The following SOX18 variants were observed in gnomAD, a reference collection of about 807,000 sequenced individuals.
SOX18 encodes the protein SRY-box transcription factor 18, also known as transcription factor SOX-18.
Under a neutral mutation model 9.1 loss-of-function variants are expected in SOX18, and 2 were observed. The observed-to-expected ratio is 0.22, with a 90% confidence interval of 0.09 to 0.69. The LOEUF is 0.69. Among genes scored for constraint, SOX18 ranks in the 30% least tolerant of loss-of-function variants. The probability of loss-of-function intolerance (pLI) is 0.80; values close to 1 mark genes in which losing one functional copy is unlikely to be tolerated. For missense variants in SOX18, 542 were observed against 567.3 expected (o/e 0.96, Z 0.45); for synonymous variants, 292 against 280.5 (o/e 1.04, Z -0.41).
rs1279296394 is a variant in SOX18 at position 64,048,032 on chromosome 20, A to C, written c.*134T>G. 1.0e-6 allele frequency: 1 copy of C among 954,404 alleles called. No individual in the cohort carries two copies. Among genetic ancestry groups the C allele is most frequent in the East Asian group, 2.7e-5 (1 of 37,634 alleles). 59.1% of individuals were successfully genotyped at this position (954,404 alleles called of 1,614,324 possible). ...TGGAACGGGCGCAAGGCCGAGCATC[A>C]CTGGCTCCTAGGGGGCTGTGACATG... On this transcript the variant is annotated 3_prime_UTR_variant, in exon 2 of 2. Transcript: ENST00000340356.
intron 1 of SOX18, 66 bp downstream of exon 1, chr20:64,049,093 C>CCCGCCCCA: frequency 1.1e-6 from 1 of 951,936 alleles, no homozygotes; most frequent in Non-Finnish European, 1.4e-6. Context: ...CCTGCCCCCC[C>CCCGCCCCA]CGCCCCACCC....
Position 64,048,325 on chromosome 20 carries a change from G to A in SOX18, c.996C>T (p.Asn332=). 1 of 1,592,622 alleles carries A rather than the reference G, an allele frequency of 6.3e-7. No individual in the cohort carries two copies. The highest frequency in any genetic ancestry group is 8.5e-7 in the Non-Finnish European group (1 of 1,171,232). The change falls in exon 2 of 2, where the codon AAC becomes AAT. Residue 332 remains asparagine, a synonymous_variant. Coordinates refer to ENST00000340356, the MANE Select transcript of SOX18 (RefSeq NM_018419.3). ...VDLTEFDQYL[N]CSRTRPDAPG... is the part of the protein sequence containing the mutation. ...GGGCGTCGGGCCGAGTCCGGCTGCA[G>A]TTGAGGTACTGGTCGAACTCGGTGA...
At position 64,048,180 on chromosome 20, in the gene SOX18, A is replaced by G; in HGVS notation, c.1141T>C (p.Cys381Arg). The change falls in exon 2 of 2, where the codon TGC (cysteine) becomes CGC (arginine). Residue 381 changes from cysteine to arginine, a missense_variant. Cys to Arg is a radical substitution (Grantham distance 180). Transcript: ENST00000340356. Reference sequence around the variant, plus strand: ...GCGCCGGCGGCCTAGCCGGAGATGCACGCGCTGTAATAGACCGCGCTGCTG... The same window carrying G: ...GCGCCGGCGGCCTAGCCGGAGATGCGCGCGCTGTAATAGACCGCGCTGCTG... ...DASSAVYYSACISG is the reference protein window; with the variant it reads ...DASSAVYYSARISG The G allele has an allele frequency of 6.4e-7, 1 of 1,555,140 alleles. No homozygotes were observed.
Position 64,049,467 on chromosome 20 carries a change from C to A in SOX18, c.50G>T (p.Arg17Leu). The A allele has an allele frequency of 3.8e-6, 1 of 263,406 alleles. No individual in the cohort carries two copies. The allele number at this position is 263,406 out of a possible 1,614,324, so 16.3% of individuals were successfully genotyped here. The change falls in exon 1 of 2, where the codon CGC becomes CTC. Residue 17 changes from arginine (R) to leucine (L), a missense_variant. Coordinates refer to ENST00000340356, the MANE Select transcript of SOX18 (RefSeq NM_018419.3). ...GYGAQDDPPA[R>L]RDCAWAPGHG... Reference sequence around the variant, plus strand: ...TCCCGGGGCCCATGCACAGTCGCGGCGGGCGGGCGGGTCGTCCTGTGCGCC... The same window carrying A: ...TCCCGGGGCCCATGCACAGTCGCGGAGGGCGGGCGGGTCGTCCTGTGCGCC...
At position 64,048,153 on chromosome 20, in the gene SOX18, C is replaced by T. The variant is rs770679126; in HGVS notation, c.*13G>A. The stretch of plus-strand genomic sequence containing the variant: ...GGAGGAAGCGCTGCAGGGACCCGGG[C>T]GGCGCCGGCGGCCTAGCCGGAGATG... On this transcript the variant is annotated 3_prime_UTR_variant, in exon 2 of 2. Transcript: ENST00000340356. 1.8e-5 allele frequency: 27 copies of T among 1,537,692 alleles called. No individual in the cohort carries two copies. The highest frequency in any genetic ancestry group is 1.2e-4 in the Admixed American group (6 of 51,160).
chr20:64,048,096 G>A lies in SOX18; in HGVS notation c.*70C>T, dbSNP rs918436144. 2.7e-5 allele frequency: 37 copies of A among 1,386,754 alleles called. No homozygotes were observed. The highest frequency in any genetic ancestry group is 3.3e-5 in the Non-Finnish European group (33 of 1,013,558). 85.9% of individuals were successfully genotyped at this position (1,386,754 alleles called of 1,614,324 possible). ...ACGCGTATGAGAGAGCAGAGCGGCA[G>A]CGACGCGGTCGGATCGGTCGCGGGG... On this transcript the variant is annotated 3_prime_UTR_variant, in exon 2 of 2. Coordinates refer to ENST00000340356, the MANE Select transcript of SOX18 (RefSeq NM_018419.3).
In SOX18 at chr20:64,048,585, G is replaced by C; in HGVS notation, c.736C>G (p.Arg246Gly). Residue 246 changes from arginine (R) to glycine (G), a missense_variant, in exon 2 of 2, where the codon CGC becomes GGC. Physicochemically the swap from Arg to Gly is moderately radical, Grantham distance 125. Transcript: ENST00000340356. ...AACTCGGTGGGCGCGTAGGGCGCGCGGAAGGGCCGCAGCGCGCAGTCCTCG... is the reference window on the plus strand; with the variant it reads ...AACTCGGTGGGCGCGTAGGGCGCGCCGAAGGGCCGCAGCGCGCAGTCCTCG... ...APEDCALRPF[R>G]APYAPTELSR... 3 of 1,231,118 alleles carry C rather than the reference G, an allele frequency of 2.4e-6. No homozygotes were observed. The highest frequency in any genetic ancestry group is 2.0e-6 in the Non-Finnish European group (2 of 989,068). The allele number at this position is 1,231,118 out of a possible 1,614,324, so 76.3% of individuals were successfully genotyped here.
In SOX18 at chr20:64,048,246, A is replaced by C; in HGVS notation, c.1075T>G (p.Cys359Gly). Residue 359 changes from cysteine (C) to glycine (G), a missense_variant, in exon 2 of 2, where the codon TGC (cysteine) becomes GGC (glycine). Coordinates refer to ENST00000340356, the MANE Select transcript of SOX18 (RefSeq NM_018419.3). Reference sequence around the variant, plus strand: ...GAGATCAGGCTGCTCTCCTCTGGGCAGGACATGGCGCGCGGGCCCAGTTTG... The same window carrying C: ...GAGATCAGGCTGCTCTCCTCTGGGCCGGACATGGCGCGCGGGCCCAGTTTG... ...LAKLGPRAMS[C>G]PEESSLISAL... 1 of 1,593,062 alleles carries C rather than the reference A, an allele frequency of 6.3e-7. No homozygotes were observed. Among genetic ancestry groups the C allele is most frequent in the African/African-American group, 1.3e-5 (1 of 74,736 alleles).
rs1274958917 is a variant in SOX18, at chr20:64,048,853, C to T, written c.468G>A (p.Pro156=). 2.5e-6 allele frequency: 4 copies of T among 1,585,922 alleles called. No individual in the cohort carries two copies. The highest frequency in any genetic ancestry group is 3.4e-5 in the Admixed American group (2 of 58,726). ...LRDHPNYKYR[P]RRKKQARKAR... ...CCTTGCGCGCCTGCTTCTTGCGGCG[C>T]GGCCGGTACTTGTAGTTGGGGTGGT... The change falls in exon 2 of 2, where the codon CCG becomes CCA. Residue 156 remains proline (P), a synonymous_variant. Coordinates refer to ENST00000340356, the MANE Select transcript of SOX18 (RefSeq NM_018419.3).
rs1409858318 is a variant in SOX18 at position 64,048,748 on chromosome 20, A to G, written c.573T>C (p.Ser191=). Residue 191 remains serine, a synonymous_variant, in exon 2 of 2, where the codon TCT becomes TCC. Coordinates refer to ENST00000340356, the MANE Select transcript of SOX18 (RefSeq NM_018419.3). ...GCTCGCGGAAGGCGCGAGCCGAGCC[A>G]GACGCCGCGGGGAAAGGCTCGGGCG... ...QPPPEPFPAA[S]GSARAFRELP... is the part of the protein sequence containing the mutation. The G allele has an allele frequency of 1.4e-6, 2 of 1,448,932 alleles. No homozygotes were observed. Among genetic ancestry groups the G allele is most frequent in the Non-Finnish European group, 1.8e-6 (2 of 1,106,408 alleles). The allele number at this position is 1,448,932 out of a possible 1,614,324, so 89.8% of individuals were successfully genotyped here.
Position 64,048,796 on chromosome 20 carries a change from C to T in SOX18, c.525G>A (p.Pro175=), listed in dbSNP as rs1342831314. Reference sequence around the variant, plus strand: ...GCGGTGGCTGCGGGGGCGCTAATCCCGGGAGCAGGAGGCCGGGCTCCAGCC... The same window carrying T: ...GCGGTGGCTGCGGGGGCGCTAATCCTGGGAGCAGGAGGCCGGGCTCCAGCC... The part of the protein sequence containing the change: ...ARRLEPGLLL[P]GLAPPQPPPE... The change falls in exon 2 of 2, where the codon CCG becomes CCA. Residue 175 remains proline, a synonymous_variant. Coordinates refer to ENST00000340356, the MANE Select transcript of SOX18 (RefSeq NM_018419.3). The T allele has an allele frequency of 3.9e-6, 6 of 1,529,928 alleles. No individual in the cohort carries two copies. Among genetic ancestry groups the T allele is most frequent in the Non-Finnish European group, 5.2e-6 (6 of 1,146,414 alleles). 94.8% of individuals were successfully genotyped at this position (1,529,928 alleles called of 1,614,324 possible).
In SOX18 at chr20:64,049,540, G is replaced by T; in HGVS notation, c.-24C>A. ...ATTCCAGCTGGGCGCGGCCTGGGCG[G>T]AACGGAGCGCGGGAGCGCGGCGGGC... On this transcript the variant is annotated 5_prime_UTR_variant, in exon 1 of 2. Transcript: ENST00000340356. 9.4e-7 allele frequency: 1 copy of T among 1,067,214 alleles called. No homozygotes were observed. Among genetic ancestry groups the T allele is most frequent in the Non-Finnish European group, 1.1e-6 (1 of 884,648 alleles). 66.1% of individuals were successfully genotyped at this position (1,067,214 alleles called of 1,614,324 possible).
At chr20:64,048,992 C>T in intron 1 of SOX18, 30 bp from the exon 2 acceptor site, 1 of 1,553,362 alleles carries the variant, frequency 6.4e-7, no homozygotes, top group Non-Finnish European at 8.6e-7. Flanking sequence ...GTGAGTGGAA[C>T]GCCGTCGGGC....
intron 1 of SOX18, 29 bp from the exon 2 acceptor site, chr20:64,048,991 A>T (rs745819530): frequency 6.4e-7 from 1 of 1,557,734 alleles, no homozygotes; most frequent in South Asian, 1.2e-5. Flanking sequence ...AGTGAGTGGA[A>T]CGCCGTCGGG....
Position 64,047,894 on chromosome 20 carries a change from C to T in SOX18, c.*272G>A. ...AACCCTGGCAACTCTGCCAACAGGT[C>T]CTGGGCTCGGGCTTCCTGGAAAAGC... On this transcript the variant is annotated 3_prime_UTR_variant, in exon 2 of 2. Transcript: ENST00000340356. 1 of 558,660 alleles carries T rather than the reference C, an allele frequency of 1.8e-6. No homozygotes were observed. The highest frequency in any genetic ancestry group is 3.2e-6 in the Non-Finnish European group (1 of 313,554). 34.6% of individuals were successfully genotyped at this position (558,660 alleles called of 1,614,324 possible). A position where few individuals can be genotyped will look rare whatever the true frequency, so the allele number is the denominator to read the frequency against.
Position 64,049,304 on chromosome 20 carries a change from C to G in SOX18, c.213G>C (p.Pro71=). 3 of 1,476,222 alleles carry G rather than the reference C, an allele frequency of 2.0e-6. No individual in the cohort carries two copies. The highest frequency in any genetic ancestry group is 2.7e-6 in the Non-Finnish European group (3 of 1,102,802). The allele number at this position is 1,476,222 out of a possible 1,614,324, so 91.4% of individuals were successfully genotyped here. A position where few individuals can be genotyped will look rare whatever the true frequency, so the allele number is the denominator to read the frequency against. The part of the protein sequence containing the change: ...SPEPGRYGLS[P]AGRGERQAAD... ...CCGCCTGGCGTTCCCCGCGGCCGGC[C>G]GGGCTGAGGCCATAGCGCCCCGGCT... The change falls in exon 1 of 2, where the codon CCG becomes CCC. Residue 71 remains proline, a synonymous_variant. Transcript: ENST00000340356.
In SOX18 at chr20:64,048,580, C is replaced by CGCGCGGAAGGGCCGCA; in HGVS notation, c.725_740dup (p.Pro248AlafsTer283). 8.1e-7 allele frequency: 1 copy of CGCGCGGAAGGGCCGCA among 1,229,490 alleles called. No individual in the cohort carries two copies. Among genetic ancestry groups the CGCGCGGAAGGGCCGCA allele is most frequent in the Non-Finnish European group, 1.0e-6 (1 of 988,054 alleles). The allele number at this position is 1,229,490 out of a possible 1,614,324, so 76.2% of individuals were successfully genotyped here. A position where few individuals can be genotyped will look rare whatever the true frequency, so the allele number is the denominator to read the frequency against. On this transcript the variant is annotated frameshift_variant, in exon 2 of 2. Coordinates refer to ENST00000340356, the MANE Select transcript of SOX18 (RefSeq NM_018419.3). LOFTEE classifies it low-confidence loss of function (END_TRUNC). ...GCGACAACTCGGTGGGCGCGTAGGG[C>CGCGCGGAAGGGCCGCA]GCGCGGAAGGGCCGCAGCGCGCAGT...
In SOX18 at chr20:64,048,400, C is replaced by T; in HGVS notation, c.921G>A (p.Glu307=). 6.6e-7 allele frequency: 1 copy of T among 1,518,994 alleles called. No individual in the cohort carries two copies. Among genetic ancestry groups the T allele is most frequent in the Non-Finnish European group, 8.8e-7 (1 of 1,137,832 alleles). The allele number at this position is 1,518,994 out of a possible 1,614,324, so 94.1% of individuals were successfully genotyped here. ...CGGCGGGCCCCAGCGGCTCGGCGCT[C>T]TCCAGCGGCGGGGCCTCGGGCGGCG... ...LSPPPEAPPL[E]SAEPLGPAAD... is the part of the protein sequence containing the mutation. The change falls in exon 2 of 2, where the codon GAG becomes GAA. Residue 307 remains glutamate (E), a synonymous_variant. Transcript: ENST00000340356.
At position 64,048,122 on chromosome 20, in the gene SOX18, G is replaced by T; in HGVS notation, c.*44C>A. 2 of 1,508,862 alleles carry T rather than the reference G, an allele frequency of 1.3e-6. No homozygotes were observed. Among genetic ancestry groups the T allele is most frequent in the Non-Finnish European group, 8.9e-7 (1 of 1,123,610 alleles). The allele number at this position is 1,508,862 out of a possible 1,614,324, so 93.5% of individuals were successfully genotyped here. Reference sequence around the variant, plus strand: ...CGACGCGGTCGGATCGGTCGCGGGGGCTGCGGGAGGAAGCGCTGCAGGGAC... The same window carrying T: ...CGACGCGGTCGGATCGGTCGCGGGGTCTGCGGGAGGAAGCGCTGCAGGGAC... On this transcript the variant is annotated 3_prime_UTR_variant, in exon 2 of 2. Transcript: ENST00000340356.
Sources: allele counts gnomAD v4.1 joint callset, GRCh38; gene constraint gnomAD v4.1.1; transcripts MANE v1.5; gene names NCBI Gene and HGNC (gene_info 2026-07-23, HGNC 2026-07-21).